Variants in KHDRBS3 observed in about 807,000 individuals in gnomAD.
KHDRBS3 encodes the protein KH domain-containing, RNA-binding, signal transduction-associated protein 3.
In KHDRBS3, 23 loss-of-function variants were observed where a neutral mutation model predicts 45.6. That is an observed-to-expected ratio of 0.50 (90% confidence interval 0.36 to 0.72). The LOEUF is 0.72. Among genes scored for constraint, KHDRBS3 ranks in the 30% least tolerant of loss-of-function variants. The pLI, the probability that KHDRBS3 is intolerant of heterozygous loss-of-function variation, is 0.00. For synonymous variants in KHDRBS3, 162 were observed against 156.5 expected (o/e 1.04, Z -0.26); for missense variants, 352 against 424.8 (o/e 0.83, Z 1.51).
In KHDRBS3 at chr8:135,560,969, C is replaced by G. The variant is rs568038277; in HGVS notation, c.611+3382C>G. ...ACTTCCTCCATATTATTATGGTCTT[C>G]CTTGGTCCCAAGTCCTTTAAACACC... On this transcript the variant is annotated intron_variant, in intron 5 of 8. Coordinates refer to ENST00000355849, the MANE Select transcript of KHDRBS3 (RefSeq NM_006558.3). 8.5e-5 allele frequency among the ~76,000 whole-genome samples: 13 copies of G among 152,292 alleles called. No individual in the cohort carries two copies. In the East Asian group the frequency reaches 2.5e-3, roughly 29 times the overall value.
At chr8:135,540,156 A>C (rs946290027) in intron 2 of KHDRBS3, 4 of 152,236 alleles carry the variant, frequency 2.6e-5, no homozygotes, top group African/African-American at 9.6e-5. Flanking sequence ...AAAAGGCATA[A>C]ATTTATGAAG....
rs200026165 is a variant in KHDRBS3, at chr8:135,581,885, G to A, written c.619G>A (p.Gly207Arg). Residue 207 changes from glycine (G) to arginine (R), a missense_variant, in exon 6 of 9, where the codon GGA becomes AGA. Gly to Arg is a moderately radical substitution (Grantham distance 125, BLOSUM62 -2). Coordinates refer to ENST00000355849, the MANE Select transcript of KHDRBS3 (RefSeq NM_006558.3). ...TGACTCTCTTGGTTACAGGGGAAGGGGAGGAGTTACAGCCCGGCCAGTTGG... is the reference window on the plus strand; with the variant it reads ...TGACTCTCTTGGTTACAGGGGAAGGAGAGGAGTTACAGCCCGGCCAGTTGG... ...VPAPAITRGRGGVTARPVGVV... is the reference protein window; with the variant it reads ...VPAPAITRGRRGVTARPVGVV... The A allele has an allele frequency of 1.3e-6, 2 of 1,593,566 alleles. No homozygotes were observed. The highest frequency in any genetic ancestry group is 1.7e-6 in the Non-Finnish European group (2 of 1,166,330).
chr8:135,457,820 C>A lies in KHDRBS3; in HGVS notation c.-47C>A, dbSNP rs768656001. 3.0e-5 allele frequency: 40 copies of A among 1,339,702 alleles called. No homozygotes were observed. The highest frequency in any genetic ancestry group is 3.7e-5 in the Non-Finnish European group (37 of 994,740). The allele number at this position is 1,339,702 out of a possible 1,614,324, so 83.0% of individuals were successfully genotyped here. A position where few individuals can be genotyped will look rare whatever the true frequency, so the allele number is the denominator to read the frequency against. ...GGGGTCGGGGGTTGCCGGGCGCCGC[C>A]CCCCGTGCGCCTGGAGTCCACATCC... On this transcript the variant is annotated 5_prime_UTR_variant, in exon 1 of 9. Coordinates refer to ENST00000355849, the MANE Select transcript of KHDRBS3 (RefSeq NM_006558.3). This position sits in a 1 kb window ranked among gnomAD's most constrained non-coding sequence, Gnocchi z 4.4.
chr8:135,549,140 A>G, intron 4 of KHDRBS3: 1 of 310,230 alleles, frequency 3.2e-6, no homozygotes, highest in Middle Eastern at 8.6e-4. Context: ...CATGGCTAAA[A>G]AACTTGCATA....
At chr8:135,580,989 A>G (rs1014301504) in intron 5 of KHDRBS3, among the ~76,000 whole-genome samples, 5 of 151,960 alleles carry the variant, frequency 3.3e-5, no homozygotes, top group African/African-American at 1.2e-4. Context: ...TATCAATTTC[A>G]TCAGTCTTTT....
Position 135,581,924 on chromosome 8 carries a change from C to A in KHDRBS3, c.658C>A (p.Arg220=). ...CCGGCCAGTTGGAGTTGTAGTACCA[C>A]GAGGGACGCCAACTCCCAGAGGAGT... ...TARPVGVVVP[R]GTPTPRGVLS... The change falls in exon 6 of 9, where the codon CGA becomes AGA. Residue 220 remains arginine (R), a synonymous_variant. Transcript: ENST00000355849. 6.2e-7 allele frequency: 1 copy of A among 1,611,544 alleles called. No homozygotes were observed.
At chr8:135,612,439 A>G (rs1054137842) in intron 7 of KHDRBS3, among the ~76,000 whole-genome samples, 3 of 151,822 alleles carry the variant, frequency 2.0e-5, no homozygotes, top group African/African-American at 7.3e-5. Flanking sequence ...TTGTTTTTCC[A>G]CTTTTACATG....
intron 6 of KHDRBS3, among the ~76,000 whole-genome samples, chr8:135,596,531 G>A (rs946981064): frequency 1.3e-5 from 2 of 151,968 alleles, no homozygotes; most frequent in African/African-American, 2.4e-5. Context: ...GAGAAATATA[G>A]CAACATAGTC....
chr8:135,653,935 G>A (rs1831479882), intron 4 of KHDRBS3, among the ~76,000 whole-genome samples: 1 of 152,100 alleles, frequency 6.6e-6, no homozygotes. Flanking sequence ...TATTTAGTCA[G>A]TAATACATGT....
intron 1 of KHDRBS3, among the ~76,000 whole-genome samples, chr8:135,508,966 A>G (rs1260589974): frequency 1.3e-5 from 2 of 152,214 alleles, no homozygotes; most frequent in Non-Finnish European, 2.9e-5. Context: ...GATAAAAATG[A>G]GTCATTAGAA....
chr8:135,528,862 G>A (rs920554236), intron 2 of KHDRBS3, among the ~76,000 whole-genome samples: 2 of 152,074 alleles, frequency 1.3e-5, no homozygotes, highest in African/African-American at 4.8e-5. Context: ...ATTCATAGGG[G>A]CAGAGTCCTC....
At chr8:135,631,237 C>A (rs545961996) in intron 7 of KHDRBS3, among the ~76,000 whole-genome samples, 1 of 111,632 alleles carries the variant, frequency 9.0e-6, no homozygotes, top group Non-Finnish European at 1.6e-5. Context: ...GGCAACAGAG[C>A]GAGACTCCGT....
chr8:135,606,188 A>T (rs1406060756), intron 6 of KHDRBS3, among the ~76,000 whole-genome samples: 1 of 152,000 alleles, frequency 6.6e-6, no homozygotes, highest in Non-Finnish European at 1.5e-5. Context: ...AAGGTCAACC[A>T]GAAGAGAGAG....
At chr8:135,595,446 G>T (rs1182409307) in intron 6 of KHDRBS3, among the ~76,000 whole-genome samples, 1 of 152,136 alleles carries the variant, frequency 6.6e-6, no homozygotes, top group Admixed American at 6.6e-5. Flanking sequence ...TAGACCAGAT[G>T]CTCTCATTTA....
chr8:135,638,678 C>T (rs1023507095), intron 7 of KHDRBS3, among the ~76,000 whole-genome samples: 11 of 152,248 alleles, frequency 7.2e-5, no homozygotes, highest in East Asian at 5.8e-4. Context: ...AGCTGGGCGC[C>T]GTGGCTCACG....
intron 7 of KHDRBS3, among the ~76,000 whole-genome samples, chr8:135,635,227 G>T (rs2131156748): frequency 6.6e-6 from 1 of 152,132 alleles, no homozygotes; most frequent in South Asian, 2.1e-4. Context: ...TCTCATTTAT[G>T]CTTTTGCATT....
intron 7 of KHDRBS3, among the ~76,000 whole-genome samples, chr8:135,634,268 C>G (rs529608235): frequency 6.6e-6 from 1 of 152,054 alleles, no homozygotes; most frequent in Non-Finnish European, 1.5e-5. Context: ...TAAGTTTGCC[C>G]TTGTTTTCCC....
chr8:135,642,271 G>T (rs1212470415), intron 7 of KHDRBS3, among the ~76,000 whole-genome samples: 1 of 152,214 alleles, frequency 6.6e-6, no homozygotes, highest in East Asian at 1.9e-4. Context: ...GTAGTGTTCT[G>T]AGCTTTGAGT....
At chr8:135,585,210 C>T (rs1192072984) in intron 6 of KHDRBS3, among the ~76,000 whole-genome samples, 1 of 122,258 alleles carries the variant, frequency 8.2e-6, no homozygotes, top group Admixed American at 1.1e-4. Flanking sequence ...GCCTGGGTGA[C>T]AGAGCGAGAC....
Sources: gnomAD v4.1 joint callset for allele counts (sites outside exome capture counted in the v4.1 genomes callset) on GRCh38, gnomAD v4.1.1 for gene constraint, Gnocchi (gnomAD v3.1) non-coding constraint, MANE v1.5 for transcripts, NCBI Gene and HGNC (gene_info 2026-07-23, HGNC 2026-07-21) for gene names.